The following ELP4 variants were observed in gnomAD, a reference collection of about 807,000 sequenced individuals.
The protein encoded by ELP4 is elongator acetyltransferase complex subunit 4.
A neutral mutation model predicts 48.9 loss-of-function variants in ELP4; 51 were observed. The ratio of observed to expected loss-of-function variants is 1.04; its 90% CI spans 0.83 to 1.32. ELP4 has a LOEUF of 1.32. Ranked by LOEUF, ELP4 falls within the 40% of genes most tolerant of loss-of-function variation. The probability of loss-of-function intolerance (pLI) is 0.00; values close to 1 mark genes in which losing one functional copy is unlikely to be tolerated. For missense variants in ELP4, 519 were observed against 514.6 expected (o/e 1.01, Z -0.08); for synonymous variants, 210 against 189.2 (o/e 1.11, Z -0.90).
At chr11:31,738,411 CA>C (rs761260359) in intron 9 of ELP4, among the ~76,000 whole-genome samples, 205 of 147,816 alleles carry the variant, frequency 1.4e-3, no homozygotes, top group Middle Eastern at 3.4e-3. Flanking sequence ...GATCCTGTCT[CA>C]AAAAAAAATA....
intron 9 of ELP4, chr11:31,763,399 T>C: frequency 1.9e-6 from 3 of 1,579,284 alleles, no homozygotes; most frequent in South Asian, 1.2e-5. Context: ...GTGTCTCTTT[T>C]CTCTGAGGCA....
At chr11:31,642,128 C>T (rs929732336) in intron 7 of ELP4, among the ~76,000 whole-genome samples, 2 of 151,842 alleles carry the variant, frequency 1.3e-5, no homozygotes, top group Non-Finnish European at 2.9e-5. Flanking sequence ...ATTATTCTGT[C>T]CAGCCTATTC....
intron 3 of ELP4, among the ~76,000 whole-genome samples, chr11:31,561,616 A>G (rs894966322): frequency 6.6e-6 from 1 of 151,812 alleles, no homozygotes; most frequent in African/African-American, 2.4e-5. Context: ...ACTAATTTTT[A>G]TATTTTTAAT....
At chr11:31,596,725 G>A (rs1042175102) in intron 4 of ELP4, among the ~76,000 whole-genome samples, 60 of 152,192 alleles carry the variant, frequency 3.9e-4, no homozygotes, top group African/African-American at 1.4e-3. Context: ...AAATGACTGT[G>A]AACAAACTAC....
intron 9 of ELP4, among the ~76,000 whole-genome samples, chr11:31,730,325 T>G (rs1947159343): frequency 6.6e-6 from 1 of 152,164 alleles, no homozygotes; most frequent in Admixed American, 6.6e-5. Context: ...CTAGGTGTTC[T>G]CACATGGTGG....
chr11:31,623,363 AT>A (rs1365217119), intron 5 of ELP4, among the ~76,000 whole-genome samples: 4 of 55,582 alleles, frequency 7.2e-5, no homozygotes, highest in Non-Finnish European at 1.1e-4. Flanking sequence ...AAATATATAT[AT>A]ATATATATAT....
chr11:31,572,851 AAC>A (rs1957210742), intron 3 of ELP4, among the ~76,000 whole-genome samples: 15 of 152,052 alleles, frequency 9.9e-5, no homozygotes, highest in Admixed American at 9.8e-4. Context: ...AAAATAGGAA[AAC>A]AGTTAGCTGG....
intron 8 of ELP4, chr11:31,648,840 G>A (rs1592190225): frequency 6.6e-6 from 1 of 151,672 alleles, no homozygotes; most frequent in African/African-American, 2.4e-5. Context: ...ACCGAGTAAA[G>A]AGTGGTTCTA....
chr11:31,607,577 G>T (rs776486055), intron 5 of ELP4, among the ~76,000 whole-genome samples: 3 of 152,146 alleles, frequency 2.0e-5, no homozygotes, highest in Admixed American at 6.5e-5. Context: ...ACCTCTTAAA[G>T]GCCTCGTCTC....
At chr11:31,585,411 G>A (rs1957455734) in intron 3 of ELP4, among the ~76,000 whole-genome samples, 1 of 149,754 alleles carries the variant, frequency 6.7e-6, no homozygotes, top group African/African-American at 2.5e-5. Flanking sequence ...AATCTCACAA[G>A]AGAATAAAGA....
chr11:31,671,603 G>T (rs572855914), intron 9 of ELP4, among the ~76,000 whole-genome samples: 2 of 152,180 alleles, frequency 1.3e-5, no homozygotes, highest in South Asian at 4.1e-4. Context: ...CAGTTGGACT[G>T]AAAGGCATAC....
Position 31,789,317 on chromosome 11 carries a change from T to C in ELP4, c.*5793T>C. 1 of 246,638 alleles carries C rather than the reference T, an allele frequency of 4.1e-6. No individual in the cohort carries two copies. Among genetic ancestry groups the C allele is most frequent in the Non-Finnish European group, 7.8e-6 (1 of 127,998 alleles). The allele number at this position is 246,638 out of a possible 1,614,324, so 15.3% of individuals were successfully genotyped here. A position where few individuals can be genotyped will look rare whatever the true frequency, so the allele number is the denominator to read the frequency against. ...TCGAAGACACACTCTACCTTTTAGC[T>C]ATCAACTTTTTTTCTTCCTTGAATT... On this transcript the variant is annotated 3_prime_UTR_variant, in exon 10 of 10. Coordinates refer to ENST00000640961, the MANE Select transcript of ELP4 (RefSeq NM_019040.5).
intron 9 of ELP4, chr11:31,653,468 G>T (rs1463062417): frequency 6.6e-6 from 1 of 151,674 alleles, no homozygotes; most frequent in Non-Finnish European, 1.5e-5. Context: ...TTGAGCCTTT[G>T]TTAAGTAGCA....
At chr11:31,719,530 C>G in intron 9 of ELP4, 1 of 398,094 alleles carries the variant, frequency 2.5e-6, no homozygotes, top group East Asian at 3.6e-5. Flanking sequence ...TTTTCCAAAA[C>G]TTGTAGCTTT....
intron 9 of ELP4, among the ~76,000 whole-genome samples, chr11:31,664,693 T>C (rs1945634547): frequency 6.6e-6 from 1 of 152,144 alleles, no homozygotes; most frequent in African/African-American, 2.4e-5. Context: ...CTAAAAAGTC[T>C]TATTTCTGGA....
chr11:31,722,963 C>T (rs1045081811), intron 9 of ELP4, among the ~76,000 whole-genome samples: 2 of 152,174 alleles, frequency 1.3e-5, no homozygotes, highest in Non-Finnish European at 2.9e-5. Context: ...CTCCCACAGG[C>T]CCGCTGCCCC....
intron 9 of ELP4, among the ~76,000 whole-genome samples, chr11:31,714,353 T>A (rs905121870): frequency 6.6e-6 from 1 of 152,032 alleles, no homozygotes; most frequent in Non-Finnish European, 1.5e-5. Context: ...TAAAGAAAAA[T>A]TTTTTATTTC....
chr11:31,610,116 T>G (rs1957949669), intron 5 of ELP4, among the ~76,000 whole-genome samples: 1 of 152,114 alleles, frequency 6.6e-6, no homozygotes, highest in Non-Finnish European at 1.5e-5. Context: ...AATTCGGAAG[T>G]CATATAGTTA....
At chr11:31,766,499 T>G (rs1386957050) in intron 9 of ELP4, among the ~76,000 whole-genome samples, 4 of 152,096 alleles carry the variant, frequency 2.6e-5, no homozygotes, top group Non-Finnish European at 5.9e-5. Context: ...ATGTTCCCAT[T>G]TTTATTTTTT....
Sources: allele counts gnomAD v4.1 joint callset (sites outside exome capture counted in the v4.1 genomes callset), GRCh38; gene constraint gnomAD v4.1.1; transcripts MANE v1.5; gene names NCBI Gene and HGNC (gene_info 2026-07-23, HGNC 2026-07-21).